SMARCC2: variants seen among roughly 807,000 people sequenced by gnomAD.
SMARCC2 encodes SWI/SNF complex subunit SMARCC2.
SMARCC2 carries 15 observed loss-of-function variants against 151.3 expected under a neutral mutation model. The ratio of observed to expected loss-of-function variants is 0.10; its 90% confidence interval spans 0.07 to 0.15. The LOEUF is 0.15. SMARCC2 is among the 10% of genes least tolerant of loss of function. The pLI, the probability that SMARCC2 is intolerant of heterozygous loss-of-function variation, is 1.00. For missense variants in SMARCC2, 1,031 were observed against 1,599.7 expected, an observed-to-expected ratio of 0.64 and a Z score of 6.06; for synonymous variants, 590 against 609.5, an observed-to-expected ratio of 0.97 and a Z score of 0.47.
intron 5 of SMARCC2, 146 bp from the exon 6 acceptor site, chr12:56,184,390 C>A: frequency 3.3e-6 from 2 of 611,030 alleles, no homozygotes; most frequent in Non-Finnish European, 3.0e-6. Flanking sequence ...AGCTAAGTGG[C>A]AGAGGGAAAC....
intron 16 of SMARCC2, 133 bp downstream of exon 16, chr12:56,174,518 A>T (rs1874561921): frequency 3.1e-6 from 2 of 639,716 alleles, no homozygotes; most frequent in Non-Finnish European, 5.7e-6. Flanking sequence ...CCAAACCTGT[A>T]CTTCACCTTT....
At chr12:56,170,277 C>CTT in intron 22 of SMARCC2, 69 bp from the exon 23 acceptor site, 3 of 651,084 alleles carry the variant, frequency 4.6e-6, no homozygotes, top group Non-Finnish European at 6.6e-6. Context: ...TAACACTTTT[C>CTT]TTTTTTTTTA....
intron 4 of SMARCC2, 33 bp downstream of exon 4, chr12:56,184,997 G>A (rs764795952): frequency 6.3e-7 from 1 of 1,586,928 alleles, no homozygotes. Flanking sequence ...TCTCACTGAG[G>A]GAAGGGAGAT....
In SMARCC2 at chr12:56,169,521, G is replaced by A. The variant is rs1300384923; in HGVS notation, c.2715+8C>T. On this transcript the variant is annotated splice_region_variant and intron_variant, in intron 25 of 28. Transcript: ENST00000550164. ...TTCTTCCCTGAGGTCTTCAAGGTCT[G>A]GCCTCACCTTAGCTTTCACTGCGGC... The A allele has an allele frequency of 1.2e-6, 2 of 1,613,748 alleles. No homozygotes were observed. Among genetic ancestry groups the A allele is most frequent in the South Asian group, 2.2e-5 (2 of 91,032 alleles).
intron 25 of SMARCC2, 69 bp from the exon 26 acceptor site, chr12:56,168,263 AG>A: frequency 6.4e-7 from 1 of 1,574,716 alleles, no homozygotes; most frequent in South Asian, 1.1e-5. Context: ...GAAGAAAGGT[AG>A]GGTGGATGCT....
At position 56,181,116 on chromosome 12, in the gene SMARCC2, G is replaced by C. The variant is rs1876113843; in HGVS notation, c.957-15C>G. On this transcript the variant is annotated splice_polypyrimidine_tract_variant and intron_variant, in intron 10 of 28. Transcript: ENST00000550164. ...GTGTTGAGGGACTGGGAAGGAAAGA[G>C]AGTGAAAGAGAACCCAGTCATCCTT... 1 of 1,605,750 alleles carries C rather than the reference G, an allele frequency of 6.2e-7. No individual in the cohort carries two copies. Among genetic ancestry groups the C allele is most frequent in the Non-Finnish European group, 8.5e-7 (1 of 1,176,960 alleles).
chr12:56,178,255 A>G, intron 14 of SMARCC2, 149 bp downstream of exon 14: 6 of 977,328 alleles, frequency 6.1e-6, no homozygotes, highest in Non-Finnish European at 9.4e-6. Context: ...TCAAAAGGAC[A>G]CAAGGAGCTC....
At position 56,184,525 on chromosome 12, in the gene SMARCC2, T is replaced by C. The variant is rs762010772; in HGVS notation, c.493-281A>G. 9.2e-6 allele frequency: 5 copies of C among 541,156 alleles called. No homozygotes were observed. The Admixed American group carries it at 1.3e-4, about 14-fold the overall frequency. 33.5% of individuals were successfully genotyped at this position (541,156 alleles called of 1,614,324 possible). A position where few individuals can be genotyped will look rare whatever the true frequency, so the allele number is the denominator to read the frequency against. ...ACTGTACATCCTTATCAATGACATC[T>C]ATTCATTACTATAAAGTTCCAAAGA... On this transcript the variant is annotated intron_variant, in intron 5 of 28. Transcript: ENST00000550164.
chr12:56,179,332 T>C (rs936135137), intron 11 of SMARCC2, among the ~76,000 whole-genome samples: 1 of 152,230 alleles, frequency 6.6e-6, no homozygotes, highest in African/African-American at 2.4e-5. Flanking sequence ...TCTGTAAGCT[T>C]TTAATGGTCT....
intron 16 of SMARCC2, among the ~76,000 whole-genome samples, chr12:56,174,075 T>C (rs2135697682): frequency 6.6e-6 from 1 of 152,294 alleles, no homozygotes; most frequent in Middle Eastern, 3.4e-3. Flanking sequence ...CCAATCTCTA[T>C]ATCTACCTAC....
intron 1 of SMARCC2, 77 bp from the exon 2 acceptor site, chr12:56,187,383 G>A: frequency 1.4e-6 from 2 of 1,413,068 alleles, no homozygotes; most frequent in Non-Finnish European, 2.0e-6. Context: ...TCTCCCCCAG[G>A]GGCTCTGGAA....
intron 15 of SMARCC2, among the ~76,000 whole-genome samples, chr12:56,176,132 C>G (rs1470204384): frequency 6.6e-6 from 1 of 151,300 alleles, no homozygotes; most frequent in East Asian, 1.9e-4. Flanking sequence ...GCTGGAATTA[C>G]AGGCGTGAGC....
Position 56,181,610 on chromosome 12 carries a change from G to GA in SMARCC2, c.841-14dup, listed in dbSNP as rs762468613. 3 of 1,605,672 alleles carry GA rather than the reference G, an allele frequency of 1.9e-6. No homozygotes were observed. Among genetic ancestry groups the GA allele is most frequent in the East Asian group, 2.2e-5 (1 of 44,832 alleles). On this transcript the variant is annotated splice_polypyrimidine_tract_variant and intron_variant, in intron 9 of 28. Coordinates refer to ENST00000550164, the MANE Select transcript of SMARCC2 (RefSeq NM_001330288.2). Reference sequence around the variant, plus strand: ...CTGGGCTGTTCACCTATAGGATGGAGAATCAGGACAAATGTCAGCCTACAA... The same window carrying GA: ...CTGGGCTGTTCACCTATAGGATGGAGAAATCAGGACAAATGTCAGCCTACAA...
intron 11 of SMARCC2, among the ~76,000 whole-genome samples, chr12:56,180,642 G>A (rs979650611): frequency 1.3e-4 from 20 of 151,740 alleles, no homozygotes; most frequent in African/African-American, 4.6e-4. Flanking sequence ...GACCTCAGGT[G>A]ATCCGCCCGC....
intron 28 of SMARCC2, 92 bp downstream of exon 28, chr12:56,164,211 C>CT (rs1204673538): frequency 6.0e-6 from 7 of 1,168,534 alleles, no homozygotes; most frequent in Non-Finnish European, 4.9e-6. Flanking sequence ...TGTGGAAACT[C>CT]TAATACCTGA....
intron 25 of SMARCC2, among the ~76,000 whole-genome samples, 163 bp from the exon 26 acceptor site, chr12:56,168,357 G>A (rs937449562): frequency 2.0e-5 from 3 of 151,944 alleles, no homozygotes; most frequent in Non-Finnish European, 2.9e-5. Context: ...ATAGGCGTGA[G>A]CCACCGTGTC....
Position 56,164,638 on chromosome 12 carries a change from G to A in SMARCC2, c.3326C>T (p.Pro1109Leu), listed in dbSNP as rs763445494. 1.2e-6 allele frequency: 2 copies of A among 1,612,378 alleles called. No individual in the cohort carries two copies. The highest frequency in any genetic ancestry group is 2.2e-5 in the East Asian group (1 of 44,854). ...SGHPGVAGNA[P>L]LGLPFGMPPP... ...CGGCATGCCAAAAGGCAAACCCAAA[G>A]GAGCATTACCCGCCACGCCTGGGTG... Residue 1109 changes from proline to leucine, a missense_variant, in exon 28 of 29, where the codon CCT (proline) becomes CTT (leucine). This residue lies in a region of SMARCC2 where 310 missense variants were observed against 350.0 expected (regional missense o/e 0.89). Transcript: ENST00000550164.
At chr12:56,166,971 G>T (rs1432585931) in intron 26 of SMARCC2, among the ~76,000 whole-genome samples, 2 of 151,576 alleles carry the variant, frequency 1.3e-5, no homozygotes, top group Non-Finnish European at 2.9e-5. Context: ...GGTGAGGCAG[G>T]AGAATCGCTT....
In SMARCC2 at chr12:56,171,549, A is replaced by C. The variant is rs907098957; in HGVS notation, c.2186-117T>G. 1 of 1,504,286 alleles carries C rather than the reference A, an allele frequency of 6.6e-7. No individual in the cohort carries two copies. The allele number at this position is 1,504,286 out of a possible 1,614,324, so 93.2% of individuals were successfully genotyped here. On this transcript the variant is annotated intron_variant, in intron 21 of 28. Transcript: ENST00000550164. The surrounding 1 kb of genome is among the most constrained non-coding windows in gnomAD (Gnocchi z 4.2). ...ATCTAAGCTAGTATGGAGCCTAGAC[A>C]GGTGCCTGAGCTGAGGCCCGCACAG...
Sources: gnomAD v4.1 joint callset for allele counts (sites outside exome capture counted in the v4.1 genomes callset) on GRCh38, gnomAD v4.1.1 for gene constraint, gnomAD v4.1.1 regional missense constraint, Gnocchi (gnomAD v3.1) non-coding constraint, MANE v1.5 for transcripts, NCBI Gene and HGNC (gene_info 2026-07-23, HGNC 2026-07-21) for gene names.